Variants in FMO3 observed in about 807,000 individuals in gnomAD.
FMO3 encodes the protein flavin containing dimethylaniline monoxygenase 3.
FMO3 carries 40 observed loss-of-function variants against 39.4 expected under a neutral mutation model. The ratio of observed to expected loss-of-function variants is 1.02; its 90% CI spans 0.79 to 1.32. The LOEUF is 1.32. Ranked by LOEUF, FMO3 falls within the 40% of genes most tolerant of loss-of-function variation. The pLI, the probability that FMO3 is intolerant of heterozygous loss-of-function variation, is 0.00. For missense variants in FMO3, 680 were observed against 651.8 expected (o/e 1.04, Z -0.47); for synonymous variants, 219 against 228.8 (o/e 0.96, Z 0.39).
intron 1 of FMO3, among the ~76,000 whole-genome samples, chr1:171,091,740 T>C (rs139886951): frequency 6.6e-6 from 1 of 152,236 alleles, no homozygotes; most frequent in African/African-American, 2.4e-5. Flanking sequence ...GCTGGGACTA[T>C]AGGTATGCAC....
In FMO3 at chr1:171,114,169, GTA is replaced by G. The variant is rs751356173; in HGVS notation, c.993_994del (p.Tyr331Ter). On this transcript the variant is annotated frameshift_variant, in exon 7 of 9. Coordinates refer to ENST00000367755, the MANE Select transcript of FMO3 (RefSeq NM_001002294.3). LOFTEE classifies it high-confidence loss of function. ...GIDCVIFATG[Y>X]SFAYPFLDES... ...TTGACTGTGTAATCTTTGCAACAGGGTATAGTTTTGCCTACCCCTTCCTTGAT... is the reference window on the plus strand; with the variant it reads ...TTGACTGTGTAATCTTTGCAACAGGGTAGTTTTGCCTACCCCTTCCTTGAT... 9.7e-5 allele frequency: 157 copies of G among 1,613,894 alleles called. No homozygotes were observed. Among genetic ancestry groups the G allele is most frequent in the Non-Finnish European group, 1.3e-4 (155 of 1,179,964 alleles).
In FMO3 at chr1:171,103,780, C is replaced by G. The variant is rs772849886; in HGVS notation, c.133-5C>G. ...TCGCTTCCATTTGATACTATACATT[C>G]ACAGGACCATGCAGAGGAGGGCAGG... On this transcript the variant is annotated splice_region_variant and splice_polypyrimidine_tract_variant and intron_variant, in intron 2 of 8. Coordinates refer to ENST00000367755, the MANE Select transcript of FMO3 (RefSeq NM_001002294.3). 1 of 1,610,718 alleles carries G rather than the reference C, an allele frequency of 6.2e-7. No homozygotes were observed. Among genetic ancestry groups the G allele is most frequent in the African/African-American group, 1.3e-5 (1 of 74,802 alleles).
Position 171,108,072 on chromosome 1 carries a change from C to A in FMO3, c.485-7C>A. On this transcript the variant is annotated splice_region_variant and splice_polypyrimidine_tract_variant and intron_variant, in intron 4 of 8. Coordinates refer to ENST00000367755, the MANE Select transcript of FMO3 (RefSeq NM_001002294.3). ...AAACTGCCATGTATTTCTCACTTTT[C>A]ACTCAGGACTAAACCACTTTAAAGG... The A allele has an allele frequency of 6.2e-7, 1 of 1,613,562 alleles. No individual in the cohort carries two copies. The highest frequency in any genetic ancestry group is 8.5e-7 in the Non-Finnish European group (1 of 1,179,646).
intron 6 of FMO3, among the ~76,000 whole-genome samples, chr1:171,112,272 A>G (rs1432428465): frequency 6.6e-6 from 1 of 152,222 alleles, no homozygotes; most frequent in African/African-American, 2.4e-5. Context: ...GGGAAACTAC[A>G]GCAGGCATCT....
chr1:171,110,353 G>C (rs1482378335), intron 5 of FMO3, among the ~76,000 whole-genome samples: 2 of 152,148 alleles, frequency 1.3e-5, no homozygotes, highest in East Asian at 3.8e-4. Flanking sequence ...ACCTGTAGCA[G>C]AGATTGATTA....
intron 4 of FMO3, 34 bp from the exon 5 acceptor site, chr1:171,108,045 T>A: frequency 6.2e-7 from 1 of 1,610,820 alleles, no homozygotes; most frequent in Non-Finnish European, 8.5e-7. Context: ...AATATATGAC[T>A]CAAACTGCCA....
chr1:171,107,111 C>A (rs762001341), intron 3 of FMO3, among the ~76,000 whole-genome samples: 65 of 152,124 alleles, frequency 4.3e-4, no homozygotes, highest in Admixed American at 1.2e-3. Flanking sequence ...ACAGGGAGCA[C>A]ACCAACAGGC....
intron 8 of FMO3, 151 bp from the exon 9 acceptor site, chr1:171,116,949 G>A: frequency 1.5e-6 from 1 of 665,404 alleles, no homozygotes; most frequent in Non-Finnish European, 2.7e-6. Context: ...AGAAATTGAT[G>A]TTGTATGTCA....
intron 2 of FMO3, among the ~76,000 whole-genome samples, chr1:171,096,428 AT>A (rs541797319): frequency 0.018 from 1,826 of 103,454 alleles, 35 homozygotes; most frequent in Admixed American, 0.019. Flanking sequence ...TATATATAAT[AT>A]ATATTACATA....
chr1:171,099,799 T>C (rs1162564852), intron 2 of FMO3: 3 of 151,084 alleles, frequency 2.0e-5, no homozygotes, highest in Non-Finnish European at 4.4e-5. Flanking sequence ...TCTTCTTTTT[T>C]TTTAGACAGA....
intron 6 of FMO3, among the ~76,000 whole-genome samples, chr1:171,112,736 G>A (rs987880306): frequency 1.3e-5 from 2 of 152,230 alleles, no homozygotes; most frequent in East Asian, 1.9e-4. Flanking sequence ...CAAACCAGAA[G>A]TTAAAACTCT....
At position 171,108,172 on chromosome 1, in the gene FMO3, GGA is replaced by G. The variant is rs758617515; in HGVS notation, c.579_580del (p.Asn194PhefsTer4). ...AAGCGTGTCCTGGTGGTTGGCCTGG[GGA>G]ATTCGGGCTGTGATATTGCCACAGA... On this transcript the variant is annotated frameshift_variant, in exon 5 of 9. Coordinates refer to ENST00000367755, the MANE Select transcript of FMO3 (RefSeq NM_001002294.3). LOFTEE classifies it high-confidence loss of function. 2 of 1,613,758 alleles carry G rather than the reference GGA, an allele frequency of 1.2e-6. No homozygotes were observed. Among genetic ancestry groups the G allele is most frequent in the Non-Finnish European group, 1.7e-6 (2 of 1,179,914 alleles).
intron 1 of FMO3, among the ~76,000 whole-genome samples, chr1:171,092,151 T>G (rs1301199310): frequency 6.6e-6 from 1 of 152,138 alleles, no homozygotes; most frequent in Non-Finnish European, 1.5e-5. Context: ...ACAAAGTGCT[T>G]ATTTTTTTTT....
chr1:171,112,819 G>A (rs940610461), intron 6 of FMO3, among the ~76,000 whole-genome samples: 1 of 152,148 alleles, frequency 6.6e-6, no homozygotes, highest in Non-Finnish European at 1.5e-5. Context: ...GTAAATGGAG[G>A]AGACTAAAGG....
chr1:171,103,403 A>C (rs1655493253), intron 2 of FMO3, among the ~76,000 whole-genome samples: 1 of 152,194 alleles, frequency 6.6e-6, no homozygotes, highest in Non-Finnish European at 1.5e-5. Context: ...GACTCAAATA[A>C]GTATACACTT....
intron 3 of FMO3, among the ~76,000 whole-genome samples, chr1:171,106,145 T>G (rs1655625954): frequency 6.6e-6 from 1 of 152,160 alleles, no homozygotes; most frequent in Non-Finnish European, 1.5e-5. Context: ...TTAGAATTTT[T>G]TTTTTTTGTT....
chr1:171,112,693 C>G (rs1655966028), intron 6 of FMO3, among the ~76,000 whole-genome samples: 1 of 152,122 alleles, frequency 6.6e-6, no homozygotes, highest in African/African-American at 2.4e-5. Flanking sequence ...AATGTTGAGC[C>G]AGCAGTGGGA....
At chr1:171,094,600 CTT>C (rs750550961) in intron 2 of FMO3, among the ~76,000 whole-genome samples, 2 of 152,022 alleles carry the variant, frequency 1.3e-5, no homozygotes, top group East Asian at 1.9e-4. Flanking sequence ...TTTAATCTCT[CTT>C]GAGTTCATTT....
At chr1:171,116,731 A>G (rs1271266680) in intron 8 of FMO3, among the ~76,000 whole-genome samples, 1 of 152,212 alleles carries the variant, frequency 6.6e-6, no homozygotes, top group Non-Finnish European at 1.5e-5. Flanking sequence ...ACTGGGCTCC[A>G]TTTCTAGTTG....
Sources: gnomAD v4.1 joint callset for allele counts (sites outside exome capture counted in the v4.1 genomes callset) on GRCh38, gnomAD v4.1.1 for gene constraint, MANE v1.5 for transcripts, NCBI Gene and HGNC (gene_info 2026-07-23, HGNC 2026-07-21) for gene names.